The following CABYR variants were observed in gnomAD, a reference collection of about 807,000 sequenced individuals.
The protein encoded by CABYR is calcium-binding tyrosine phosphorylation-regulated protein.
Under a neutral mutation model 36.1 loss-of-function variants are expected in CABYR, and 31 were observed. The observed-to-expected ratio is 0.86, with a 90% CI of 0.64 to 1.16. The LOEUF is 1.16. CABYR is among the 50% of genes most tolerant of loss of function. CABYR has a pLI of 0.00. For missense variants in CABYR, 429 were observed against 455.8 expected (o/e 0.94, Z 0.53); for synonymous variants, 146 against 160.7 (o/e 0.91, Z 0.69).
At chr18:24,146,161 G>T (rs1456071505) in intron 3 of CABYR, among the ~76,000 whole-genome samples, 2 of 152,162 alleles carry the variant, frequency 1.3e-5, no homozygotes, top group East Asian at 3.8e-4. Flanking sequence ...ACTACATGAG[G>T]TGGATAGAAA....
At chr18:24,151,900 G>A (rs2085647400) in intron 3 of CABYR, among the ~76,000 whole-genome samples, 1 of 152,000 alleles carries the variant, frequency 6.6e-6, no homozygotes, top group African/African-American at 2.4e-5. Flanking sequence ...ATGTTGGCTG[G>A]GCTGGTCTCG....
At chr18:24,140,657 A>G (rs867510102) in intron 1 of CABYR, among the ~76,000 whole-genome samples, 4 of 151,994 alleles carry the variant, frequency 2.6e-5, no homozygotes, top group Admixed American at 1.3e-4. Context: ...CATTTTTTAT[A>G]CCCATTAACC....
chr18:24,150,778 T>TG (rs1412128301), intron 3 of CABYR: 1 of 92,812 alleles, frequency 1.1e-5, no homozygotes, highest in Non-Finnish European at 1.8e-5. Context: ...GTTTTTTTGT[T>TG]TTTTGTTTTT....
chr18:24,143,905 T>C (rs2085391728), intron 3 of CABYR, among the ~76,000 whole-genome samples: 1 of 151,256 alleles, frequency 6.6e-6, no homozygotes, highest in Non-Finnish European at 1.5e-5. Context: ...AAGGTTTTTT[T>C]TTTTTCCTTT....
intron 3 of CABYR, among the ~76,000 whole-genome samples, chr18:24,150,932 A>G (rs577007216): frequency 1.3e-5 from 2 of 151,936 alleles, no homozygotes; most frequent in African/African-American, 4.8e-5. Context: ...GGCGCCCGCC[A>G]CCACGCCCGG....
At chr18:24,150,531 T>C (rs2085593679) in intron 3 of CABYR, 1 of 951,804 alleles carries the variant, frequency 1.1e-6, no homozygotes, top group Non-Finnish European at 1.3e-6. Flanking sequence ...TTATTCCTCT[T>C]TGATAGATGG....
chr18:24,161,577 A>G lies in CABYR; in HGVS notation c.*61A>G, dbSNP rs1391861893. The G allele has an allele frequency of 2.6e-6, 2 of 776,668 alleles. No individual in the cohort carries two copies. The highest frequency in any genetic ancestry group is 4.8e-6 in the Non-Finnish European group (2 of 416,734). 48.1% of individuals were successfully genotyped at this position (776,668 alleles called of 1,614,324 possible). A position where few individuals can be genotyped will look rare whatever the true frequency, so the allele number is the denominator to read the frequency against. ...GAGGAGTCTGCCACCAGTGTAATGTATCAATAAACTTCATGCAAGCATACA... is the reference window on the plus strand; with the variant it reads ...GAGGAGTCTGCCACCAGTGTAATGTGTCAATAAACTTCATGCAAGCATACA... On this transcript the variant is annotated 3_prime_UTR_variant, in exon 6 of 6. Transcript: ENST00000399496.
chr18:24,141,523 A>G (rs777075530), intron 1 of CABYR, among the ~76,000 whole-genome samples: 5 of 152,148 alleles, frequency 3.3e-5, no homozygotes, highest in Non-Finnish European at 5.9e-5. Flanking sequence ...TTAACCACCT[A>G]TCTCCTATTT....
At chr18:24,143,022 CAAAAAAAAAAA>C (rs11320479) in intron 1 of CABYR, 58 bp from the exon 2 acceptor site, 2 of 699,998 alleles carry the variant, frequency 2.9e-6, no homozygotes, top group African/African-American at 2.6e-5. Context: ...GACAGAGTCT[CAAAAAAAAAAA>C]AAAAAAAAAC....
rs768941925 is a variant in CABYR, at chr18:24,149,613, C to T, written c.200-6088C>T. Among the ~76,000 whole-genome samples the T allele has an allele frequency of 1.2e-3, 187 of 152,226 alleles. 1 individual carries two copies. The highest frequency in any genetic ancestry group is 3.5e-3 in the Admixed American group (53 of 15,284). On this transcript the variant is annotated intron_variant, in intron 3 of 5. Coordinates refer to ENST00000399496, the MANE Select transcript of CABYR (RefSeq NM_153769.3). The stretch of plus-strand genomic sequence containing the variant: ...GTGCTGTGGAGCAGGGGGCGGTGCT[C>T]ATCGGGGAGGCTCGGGCCGCACAGG...
intron 4 of CABYR, among the ~76,000 whole-genome samples, chr18:24,157,338 A>T (rs538181261): frequency 7.2e-5 from 11 of 152,226 alleles, no homozygotes; most frequent in Non-Finnish European, 1.5e-4. Context: ...CAAAACTGTA[A>T]TTAGAGGGTG....
Position 24,155,697 on chromosome 18 carries a change from T to C in CABYR, c.200-4T>C. On this transcript the variant is annotated splice_region_variant and splice_polypyrimidine_tract_variant and intron_variant, in intron 3 of 5. Coordinates refer to ENST00000399496, the MANE Select transcript of CABYR (RefSeq NM_153769.3). ...AATTAACCCATCTGGTTGTTGTTTT[T>C]CAGTAGAGAAATGGTCAGAAGGAAC... 6.4e-7 allele frequency: 1 copy of C among 1,562,242 alleles called. No homozygotes were observed. Among genetic ancestry groups the C allele is most frequent in the Non-Finnish European group, 8.6e-7 (1 of 1,159,164 alleles).
intron 4 of CABYR, among the ~76,000 whole-genome samples, chr18:24,159,006 G>A (rs2085874323): frequency 6.6e-6 from 1 of 152,246 alleles, no homozygotes; most frequent in Non-Finnish European, 1.5e-5. Flanking sequence ...TGCCTCTGAA[G>A]GGCCAGAGAG....
At chr18:24,140,970 A>G (rs2078128727) in intron 1 of CABYR, among the ~76,000 whole-genome samples, 2 of 152,180 alleles carry the variant, frequency 1.3e-5, no homozygotes, top group Admixed American at 1.3e-4. Context: ...GGTTGCTTCC[A>G]AATCTTAGCT....
intron 2 of CABYR, 28 bp downstream of exon 2, chr18:24,143,287 C>T (rs1206838188): frequency 5.0e-6 from 8 of 1,599,952 alleles, no homozygotes; most frequent in Non-Finnish European, 6.0e-6. Context: ...ATATTTGCTG[C>T]TTTGAAAAAG....
intron 3 of CABYR, 131 bp downstream of exon 3, chr18:24,143,544 AATATAT>A (rs879504513): frequency 5.8e-6 from 2 of 342,164 alleles, no homozygotes; most frequent in Non-Finnish European, 1.0e-5. Context: ...TCCTTTTTAA[AATATAT>A]ATATATATAT....
chr18:24,145,178 AATTTC>A (rs1219452381), intron 3 of CABYR, among the ~76,000 whole-genome samples: 1 of 152,176 alleles, frequency 6.6e-6, no homozygotes, highest in African/African-American at 2.4e-5. Flanking sequence ...TCCAATCCAT[AATTTC>A]ATTTAACAAA....
intron 3 of CABYR, among the ~76,000 whole-genome samples, chr18:24,149,853 G>T (rs1432785382): frequency 1.3e-5 from 2 of 152,242 alleles, no homozygotes; most frequent in Non-Finnish European, 2.9e-5. Flanking sequence ...TCGGAATGCG[G>T]GGCCCGCCAA....
intron 3 of CABYR, among the ~76,000 whole-genome samples, chr18:24,148,937 G>A (rs1172477835): frequency 5.3e-5 from 8 of 152,268 alleles, no homozygotes; most frequent in Admixed American, 1.3e-4. Context: ...GGACTTGAGC[G>A]GGTTGCCACT....
Sources: gnomAD v4.1 joint callset for allele counts (sites outside exome capture counted in the v4.1 genomes callset) on GRCh38, gnomAD v4.1.1 for gene constraint, MANE v1.5 for transcripts, NCBI Gene and HGNC (gene_info 2026-07-23, HGNC 2026-07-21) for gene names.